Variants in SMOC2 observed in about 807,000 individuals in gnomAD.
SMOC2 encodes the protein SPARC related modular calcium binding 2, also known as SPARC-related modular calcium-binding protein 2.
SMOC2 carries 39 observed loss-of-function variants against 61.4 expected under a neutral mutation model. The observed-to-expected ratio is 0.64, with a 90% CI of 0.49 to 0.83. The LOEUF (loss-of-function observed/expected upper bound fraction) is 0.83. Among genes scored for constraint, SMOC2 ranks in the 40% least tolerant of loss-of-function variants. The pLI is 0.00. For synonymous variants in SMOC2, 247 were observed against 239.9 expected (o/e 1.03, Z -0.27); for missense variants, 556 against 592.9 (o/e 0.94, Z 0.65).
At chr6:168,546,973 C>T (rs542560223) in intron 5 of SMOC2, 146 bp from the exon 6 acceptor site, 2 of 887,008 alleles carry the variant, frequency 2.3e-6, no homozygotes, top group South Asian at 2.7e-5. Context: ...CTGCAGGCAG[C>T]ATCGCGTTGG....
chr6:168,458,412 C>T (rs1028695830), intron 1 of SMOC2, among the ~76,000 whole-genome samples: 2 of 152,126 alleles, frequency 1.3e-5, no homozygotes, highest in Non-Finnish European at 2.9e-5. Context: ...GGGTCCTGGG[C>T]TTTGGCGTCA....
At chr6:168,507,519 C>T (rs1409786966) in intron 1 of SMOC2, among the ~76,000 whole-genome samples, 2 of 152,222 alleles carry the variant, frequency 1.3e-5, no homozygotes, top group Non-Finnish European at 2.9e-5. Context: ...ATCCAAGCAG[C>T]GTCTCAGCGG....
intron 7 of SMOC2, among the ~76,000 whole-genome samples, chr6:168,583,416 A>C (rs1784968336): frequency 6.6e-6 from 1 of 152,238 alleles, no homozygotes; most frequent in African/African-American, 2.4e-5. Context: ...AAGCTTAGGA[A>C]GGAATGGCTG....
chr6:168,464,284 A>G (rs1190045454), intron 1 of SMOC2, among the ~76,000 whole-genome samples: 1 of 151,600 alleles, frequency 6.6e-6, no homozygotes, highest in East Asian at 1.9e-4. Context: ...GGAAGGATGG[A>G]AGGAAGGAAG....
intron 2 of SMOC2, among the ~76,000 whole-genome samples, chr6:168,517,128 C>T (rs373191391): frequency 9.8e-5 from 15 of 152,314 alleles, no homozygotes; most frequent in East Asian, 5.8e-4. Context: ...CAAGGCGTTT[C>T]GTGTCAGCGC....
chr6:168,626,476 T>C (rs1372404378), intron 9 of SMOC2, among the ~76,000 whole-genome samples: 2 of 152,178 alleles, frequency 1.3e-5, no homozygotes, highest in African/African-American at 4.8e-5. Flanking sequence ...TCAGAATCCA[T>C]GCAGTTAACA....
Position 168,636,945 on chromosome 6 carries a change from T to C in SMOC2, c.908-13736T>C, listed in dbSNP as rs1384614600. 1.4e-4 allele frequency among the ~76,000 whole-genome samples: 13 copies of C among 94,454 alleles called. 1 individual carries two copies. The highest frequency in any genetic ancestry group is 6.1e-4 in the African/African-American group (13 of 21,390). The allele number at this position is 94,454 out of a possible 152,430, so 62.0% of individuals were successfully genotyped here. A position where few individuals can be genotyped will look rare whatever the true frequency, so the allele number is the denominator to read the frequency against. On this transcript the variant is annotated intron_variant, in intron 9 of 12. Coordinates refer to ENST00000356284, the MANE Select transcript of SMOC2 (RefSeq NM_001166412.2). ...CTCCTCCCCCCTCCCCACCTCCCTC[T>C]TCCCTCCTCTTTCCTCCCTCCTCCC...
At chr6:168,552,072 G>A (rs1397783073) in intron 7 of SMOC2, among the ~76,000 whole-genome samples, 1 of 152,184 alleles carries the variant, frequency 6.6e-6, no homozygotes, top group Non-Finnish European at 1.5e-5. Flanking sequence ...TTACAGACAC[G>A]GGGCATGAAG....
intron 12 of SMOC2, 28 bp from the exon 13 acceptor site, chr6:168,666,393 T>G (rs1433835439): frequency 6.2e-7 from 1 of 1,613,752 alleles, no homozygotes; most frequent in Admixed American, 1.7e-5. Flanking sequence ...CTGAATATAA[T>G]GTCTCTTTTT....
chr6:168,581,591 A>T (rs1195066653), intron 7 of SMOC2, among the ~76,000 whole-genome samples: 1 of 152,226 alleles, frequency 6.6e-6, no homozygotes, highest in East Asian at 1.9e-4. Context: ...ACAGTTATTA[A>T]CAGATGAATA....
intron 9 of SMOC2, among the ~76,000 whole-genome samples, chr6:168,628,243 C>T (rs1583171692): frequency 6.6e-6 from 1 of 152,174 alleles, no homozygotes; most frequent in South Asian, 2.1e-4. Flanking sequence ...AGGGCCTCGT[C>T]GAGACATACA....
intron 9 of SMOC2, among the ~76,000 whole-genome samples, chr6:168,633,658 G>A (rs554010490): frequency 1.8e-4 from 27 of 152,364 alleles, no homozygotes; most frequent in Admixed American, 9.8e-4. Context: ...AGGAGACACA[G>A]AAGGGCCAAG....
At position 168,441,346 on chromosome 6, in the gene SMOC2, T is replaced by C; in HGVS notation, c.-25T>C. ...GCCAGGGCGCAGGACGCGGCCGATCTCCCGCTCCCGCCACCTCCGCCACCA... is the reference window on the plus strand; with the variant it reads ...GCCAGGGCGCAGGACGCGGCCGATCCCCCGCTCCCGCCACCTCCGCCACCA... On this transcript the variant is annotated 5_prime_UTR_variant, in exon 1 of 13. Coordinates refer to ENST00000356284, the MANE Select transcript of SMOC2 (RefSeq NM_001166412.2). The C allele has an allele frequency of 6.7e-7, 1 of 1,498,466 alleles. No individual in the cohort carries two copies. The highest frequency in any genetic ancestry group is 1.2e-5 in the South Asian group (1 of 80,482). 92.8% of individuals were successfully genotyped at this position (1,498,466 alleles called of 1,614,324 possible).
At chr6:168,468,787 G>A (rs1477764201) in intron 1 of SMOC2, among the ~76,000 whole-genome samples, 1 of 152,162 alleles carries the variant, frequency 6.6e-6, no homozygotes, top group African/African-American at 2.4e-5. Flanking sequence ...GCCCACCTCA[G>A]CCTCTGAAAG....
At chr6:168,621,900 T>C (rs1345494101) in intron 9 of SMOC2, among the ~76,000 whole-genome samples, 2 of 151,958 alleles carry the variant, frequency 1.3e-5, no homozygotes, top group Non-Finnish European at 2.9e-5. Context: ...TACACAGGGG[T>C]AAAATTGTTT....
intron 2 of SMOC2, among the ~76,000 whole-genome samples, chr6:168,518,168 C>A (rs1783191218): frequency 6.6e-6 from 1 of 152,228 alleles, no homozygotes; most frequent in South Asian, 2.1e-4. Context: ...GCTCCTTCAC[C>A]CCCGCACAAG....
At chr6:168,545,240 T>A (rs1024553061) in intron 5 of SMOC2, among the ~76,000 whole-genome samples, 1 of 147,552 alleles carries the variant, frequency 6.8e-6, no homozygotes, top group Non-Finnish European at 1.5e-5. Context: ...TTTATTATGA[T>A]ATTTATTGTA....
At chr6:168,606,947 G>T (rs903455905) in intron 8 of SMOC2, among the ~76,000 whole-genome samples, 1 of 152,112 alleles carries the variant, frequency 6.6e-6, no homozygotes, top group Non-Finnish European at 1.5e-5. Context: ...GGGGCAGGGG[G>T]CTGGGGAGCC....
chr6:168,551,650 C>A (rs1043447559), intron 7 of SMOC2, among the ~76,000 whole-genome samples: 8 of 152,072 alleles, frequency 5.3e-5, no homozygotes, highest in African/African-American at 1.9e-4. Context: ...GACAGGGTTT[C>A]ACCATGTTAG....
Sources: gnomAD v4.1 joint callset for allele counts (sites outside exome capture counted in the v4.1 genomes callset) on GRCh38, gnomAD v4.1.1 for gene constraint, MANE v1.5 for transcripts, NCBI Gene and HGNC (gene_info 2026-07-23, HGNC 2026-07-21) for gene names.